The following PLD5 variants were observed in gnomAD, a reference collection of about 807,000 sequenced individuals.
PLD5 encodes inactive phospholipase D5.
Under a neutral mutation model 61.1 loss-of-function variants are expected in PLD5, and 36 were observed. The ratio of observed to expected loss-of-function variants is 0.59; its 90% CI spans 0.45 to 0.78. PLD5 has a LOEUF of 0.78. Among genes scored for constraint, PLD5 ranks in the 30% least tolerant of loss-of-function variants. The pLI is 0.00. For synonymous variants in PLD5, 243 were observed against 242.8 expected (o/e 1.00, Z -0.01); for missense variants, 515 against 644.4 (o/e 0.80, Z 2.17).
intron 4 of PLD5, among the ~76,000 whole-genome samples, chr1:242,236,588 T>A (rs1671655092): frequency 1.3e-5 from 2 of 151,944 alleles, no homozygotes; most frequent in Non-Finnish European, 2.9e-5. Flanking sequence ...TAGAAGCCAA[T>A]AAAATTTAAA....
intron 1 of PLD5, among the ~76,000 whole-genome samples, chr1:242,430,415 C>G (rs1277485077): frequency 6.6e-6 from 1 of 152,124 alleles, no homozygotes; most frequent in East Asian, 1.9e-4. Context: ...CTAATCCCAT[C>G]TTGGGGGCCC....
In PLD5 at chr1:242,275,585, G is replaced by A. The variant is rs1053927211; in HGVS notation, c.496-10137C>T. Among the ~76,000 whole-genome samples the A allele has an allele frequency of 7.9e-5, 12 of 152,286 alleles. 1 individual carries two copies. In the Middle Eastern group the frequency reaches 0.027, roughly 345 times the overall value. On this transcript the variant is annotated intron_variant, in intron 3 of 9. Transcript: ENST00000536534. ...CTTCCTATGTGTCAGCGACCTGAAA[G>A]TACTAGTGATATTCAAGGAGAATAT...
chr1:242,106,527 G>A (rs1661067569), intron 8 of PLD5, among the ~76,000 whole-genome samples: 1 of 152,100 alleles, frequency 6.6e-6, no homozygotes, highest in Non-Finnish European at 1.5e-5. Context: ...AGCCTCCCTG[G>A]CCATTAGGCA....
chr1:242,410,668 G>A (rs79313146), intron 1 of PLD5, among the ~76,000 whole-genome samples: 5,015 of 152,136 alleles, frequency 0.033, 293 homozygotes, highest in African/African-American at 0.11. Context: ...GATGCTGGAG[G>A]TATTTAGCTT....
At chr1:242,386,685 G>C (rs1412434015) in intron 1 of PLD5, among the ~76,000 whole-genome samples, 1 of 152,126 alleles carries the variant, frequency 6.6e-6, no homozygotes, top group Non-Finnish European at 1.5e-5. Context: ...TAAAAAAACA[G>C]ATCAATAAGT....
At chr1:242,157,105 A>G (rs1182913313) in intron 5 of PLD5, among the ~76,000 whole-genome samples, 19 of 151,686 alleles carry the variant, frequency 1.3e-4, no homozygotes, top group Admixed American at 1.2e-3. Flanking sequence ...CATTAAGTTG[A>G]TCTTCAATCT....
At chr1:242,325,517 G>A (rs73142768) in intron 2 of PLD5, among the ~76,000 whole-genome samples, 3,459 of 152,010 alleles carry the variant, frequency 0.023, 123 homozygotes, top group African/African-American at 0.079. Flanking sequence ...GAGAGTCAGA[G>A]AGAGTCAGTC....
intron 1 of PLD5, among the ~76,000 whole-genome samples, chr1:242,392,009 G>A (rs561017020): frequency 2.0e-5 from 3 of 152,240 alleles, no homozygotes; most frequent in African/African-American, 7.2e-5. Context: ...ATCAATATAG[G>A]TGCCCATCAA....
chr1:242,328,469 A>G (rs1340791382), intron 2 of PLD5, among the ~76,000 whole-genome samples: 3 of 152,000 alleles, frequency 2.0e-5, no homozygotes, highest in African/African-American at 7.2e-5. Flanking sequence ...TGTTCTACAT[A>G]TGTGTATTCT....
chr1:242,265,480 A>G (rs1673617398), intron 3 of PLD5, 32 bp from the exon 4 acceptor site: 1 of 1,550,358 alleles, frequency 6.5e-7, no homozygotes, highest in Non-Finnish European at 8.8e-7. Flanking sequence ...AAAGAAAGTC[A>G]GAAAACCTAA....
At chr1:242,219,899 T>G (rs1973498) in intron 5 of PLD5, 89 bp downstream of exon 5, 437,668 of 1,482,192 alleles carry the variant, frequency 0.3, 67,676 homozygotes, top group East Asian at 0.54. Context: ...CTGTAGGTTT[T>G]AGGATCCTTA....
chr1:242,267,592 A>T (rs1239044262), intron 3 of PLD5, among the ~76,000 whole-genome samples: 1 of 152,100 alleles, frequency 6.6e-6, no homozygotes, highest in African/African-American at 2.4e-5. Context: ...CTCCTTATTT[A>T]AAAAAGAGGC....
At chr1:242,127,157 AT>A (rs1429336736) in intron 5 of PLD5, among the ~76,000 whole-genome samples, 1 of 152,174 alleles carries the variant, frequency 6.6e-6, no homozygotes, top group Non-Finnish European at 1.5e-5. Context: ...AAAATAATAG[AT>A]GTTGGCGTGG....
intron 1 of PLD5, among the ~76,000 whole-genome samples, chr1:242,459,434 A>G (rs1211944261): frequency 1.3e-5 from 2 of 152,134 alleles, no homozygotes; most frequent in Non-Finnish European, 2.9e-5. Context: ...CACTATCGTT[A>G]ATTTTGTTCT....
intron 4 of PLD5, chr1:242,235,882 C>T (rs1671608542): frequency 6.6e-6 from 1 of 152,054 alleles, no homozygotes; most frequent in Non-Finnish European, 1.5e-5. Context: ...GGGAAAAGTC[C>T]TTCAGAAAAA....
At chr1:242,452,866 T>G (rs544589246) in intron 1 of PLD5, among the ~76,000 whole-genome samples, 10 of 148,174 alleles carry the variant, frequency 6.7e-5, no homozygotes, top group African/African-American at 2.2e-4. Context: ...CTGCACCCCC[T>G]AGGTCCTATC....
intron 1 of PLD5, chr1:242,449,234 G>T: frequency 7.9e-7 from 1 of 1,263,086 alleles, no homozygotes; most frequent in Non-Finnish European, 1.1e-6. Flanking sequence ...AAAGGACAGT[G>T]CCTCAGAGCT....
At chr1:242,165,379 T>C (rs946878234) in intron 5 of PLD5, among the ~76,000 whole-genome samples, 13 of 151,260 alleles carry the variant, frequency 8.6e-5, no homozygotes, top group African/African-American at 3.2e-4. Flanking sequence ...CTGATAACTT[T>C]CATTTATGGG....
In PLD5 at chr1:242,351,326, G is replaced by A. The variant is rs543406887; in HGVS notation, c.190-3084C>T. Among the ~76,000 whole-genome samples, 5 of 152,254 alleles carry A rather than the reference G, an allele frequency of 3.3e-5. No homozygotes were observed. The South Asian group carries it at 1.0e-3, about 32-fold the overall frequency. On this transcript the variant is annotated intron_variant, in intron 1 of 9. Coordinates refer to ENST00000536534, the MANE Select transcript of PLD5 (RefSeq NM_001372062.1). ...AATGAACAAAATGAAAATTACAATGGCATATAATATGGTTTGACTGTGTCC... is the reference window on the plus strand; with the variant it reads ...AATGAACAAAATGAAAATTACAATGACATATAATATGGTTTGACTGTGTCC...
Sources: gnomAD v4.1 joint callset for allele counts (sites outside exome capture counted in the v4.1 genomes callset) on GRCh38, gnomAD v4.1.1 for gene constraint, MANE v1.5 for transcripts, NCBI Gene and HGNC (gene_info 2026-07-23, HGNC 2026-07-21) for gene names.